Variants in SLC16A2 observed in about 807,000 individuals in gnomAD.
SLC16A2 encodes solute carrier family 16 member 2, also known as monocarboxylate transporter 8.
A neutral mutation model predicts 27.2 loss-of-function variants in SLC16A2; 3 were observed. That is an observed-to-expected ratio of 0.11 (90% CI 0.05 to 0.28). The LOEUF (loss-of-function observed/expected upper bound fraction) is 0.28. Among genes scored for constraint, SLC16A2 ranks in the 10% least tolerant of loss-of-function variants. The probability of loss-of-function intolerance (pLI) is 1.00; values close to 1 mark genes in which losing one functional copy is unlikely to be tolerated. For missense variants in SLC16A2, 295 were observed against 458.5 expected (o/e 0.64, Z 3.26); for synonymous variants, 202 against 187.8 (o/e 1.08, Z -0.62).
chrX:74,492,830 C>T (rs1929856408), intron 1 of SLC16A2, among the ~76,000 whole-genome samples: 1 of 111,195 alleles, frequency 9.0e-6, no homozygotes. Context: ...TTTTAGAGAG[C>T]TCAGGAAATT....
At chrX:74,465,875 C>T (rs1349567702) in intron 1 of SLC16A2, among the ~76,000 whole-genome samples, 1 of 111,110 alleles carries the variant, frequency 9.0e-6, no homozygotes, top group African/African-American at 3.3e-5. Flanking sequence ...TTACAAACAT[C>T]AGAACTTCCC....
intron 1 of SLC16A2, among the ~76,000 whole-genome samples, chrX:74,481,100 A>AT (rs1929611004): frequency 8.9e-6 from 1 of 111,877 alleles, no homozygotes; most frequent in Non-Finnish European, 1.9e-5. Context: ...ATGATTTATA[A>AT]TTTTTTCTAT....
chrX:74,512,614 T>C (rs1031166821), intron 1 of SLC16A2, among the ~76,000 whole-genome samples: 1 of 112,312 alleles, frequency 8.9e-6, no homozygotes, highest in Non-Finnish European at 1.9e-5. Flanking sequence ...GAGTACCCCC[T>C]CTCTCTCTTT....
At chrX:74,500,455 C>T (rs1393320505) in intron 1 of SLC16A2, among the ~76,000 whole-genome samples, 1 of 110,965 alleles carries the variant, frequency 9.0e-6, no homozygotes, top group African/African-American at 3.3e-5. Flanking sequence ...ATTTGGTTAC[C>T]TAAGTTCTTT....
chrX:74,426,042 C>T (rs190118933), intron 1 of SLC16A2, among the ~76,000 whole-genome samples: 223 of 111,919 alleles, frequency 2.0e-3, no homozygotes, highest in African/African-American at 7.0e-3. Context: ...TTTGGGTGAA[C>T]CAAGAGTCCC....
chrX:74,532,464 C>T lies in SLC16A2; in HGVS notation c.*911C>T, dbSNP rs1036682593. The T allele has an allele frequency of 1.8e-5, 2 of 111,999 alleles. No homozygotes were observed. The highest frequency in any genetic ancestry group is 3.3e-5 in the African/African-American group (1 of 30,641). 9.2% of individuals were successfully genotyped at this position (111,999 alleles called of 1,213,427 possible). A position where few individuals can be genotyped will look rare whatever the true frequency, so the allele number is the denominator to read the frequency against. Reference sequence around the variant, plus strand: ...CAGTCCAAGGCATTAACCTCAAGGCCCTCCCAGCACCCCATTCTTGTATAC... The same window carrying T: ...CAGTCCAAGGCATTAACCTCAAGGCTCTCCCAGCACCCCATTCTTGTATAC... On this transcript the variant is annotated 3_prime_UTR_variant, in exon 6 of 6. Coordinates refer to ENST00000587091, the MANE Select transcript of SLC16A2 (RefSeq NM_006517.5).
intron 1 of SLC16A2, among the ~76,000 whole-genome samples, chrX:74,466,784 T>C (rs1252291885): frequency 1.8e-5 from 2 of 112,326 alleles, no homozygotes; most frequent in African/African-American, 6.5e-5. Flanking sequence ...CTTTTGTGTA[T>C]GGTAAAAACA....
At position 74,521,153 on chromosome X, in the gene SLC16A2, G is replaced by A. The variant is rs368837802; in HGVS notation, c.575+19G>A. On this transcript the variant is annotated intron_variant, in intron 2 of 5. Coordinates refer to ENST00000587091, the MANE Select transcript of SLC16A2 (RefSeq NM_006517.5). ...TCACCAGGTAAGGCTAAGAGTTGGT[G>A]GTTATTTCCCCAAGGCTGAGGGTTG... 1 of 1,209,138 alleles carries A rather than the reference G, an allele frequency of 8.3e-7. No homozygotes were observed. The highest frequency in any genetic ancestry group is 1.8e-5 in the African/African-American group (1 of 57,104).
chrX:74,488,497 C>A (rs758141597), intron 1 of SLC16A2, among the ~76,000 whole-genome samples: 3 of 111,539 alleles, frequency 2.7e-5, no homozygotes, highest in East Asian at 2.8e-4. Flanking sequence ...CTTGTTTTAA[C>A]CAATTATTTA....
intron 1 of SLC16A2, among the ~76,000 whole-genome samples, chrX:74,448,855 G>T (rs757130481): frequency 9.0e-6 from 1 of 111,311 alleles, no homozygotes. Flanking sequence ...GCAGCCTTAC[G>T]TGCAGCGATA....
intron 1 of SLC16A2, among the ~76,000 whole-genome samples, chrX:74,424,084 C>T (rs778814420): frequency 1.1e-5 from 1 of 92,186 alleles, no homozygotes; most frequent in African/African-American, 4.3e-5. Context: ...CCTCACAGTG[C>T]AGCTAGAGGG....
At chrX:74,450,996 C>T (rs186602406) in intron 1 of SLC16A2, among the ~76,000 whole-genome samples, 19 of 112,202 alleles carry the variant, frequency 1.7e-4, no homozygotes, top group Non-Finnish European at 2.8e-4. Context: ...GGTAGAGTCT[C>T]TCTTAGTGGG....
At chrX:74,525,972 A>G in intron 4 of SLC16A2, 79 bp downstream of exon 4, 1 of 1,088,096 alleles carries the variant, frequency 9.2e-7, no homozygotes, top group Non-Finnish European at 1.3e-6. Context: ...TTGGGATAGA[A>G]TGGTAGCTTG....
intron 1 of SLC16A2, among the ~76,000 whole-genome samples, chrX:74,489,193 C>T (rs1929778588): frequency 8.9e-6 from 1 of 111,876 alleles, no homozygotes; most frequent in Non-Finnish European, 1.9e-5. Context: ...TCCCTGTTAA[C>T]CATTTTGATG....
chrX:74,501,171 T>A (rs778463619), intron 1 of SLC16A2, among the ~76,000 whole-genome samples: 66 of 111,059 alleles, frequency 5.9e-4, no homozygotes, highest in African/African-American at 2.0e-3. Flanking sequence ...AGGTTTTAGT[T>A]ACCTGCCTGA....
At chrX:74,432,054 A>G (rs1035971521) in intron 1 of SLC16A2, among the ~76,000 whole-genome samples, 14 of 111,572 alleles carry the variant, frequency 1.3e-4, no homozygotes, top group Admixed American at 4.8e-4. Context: ...CAAGGAAGCA[A>G]GGCATGTTGA....
At chrX:74,529,473 C>G in intron 5 of SLC16A2, 32 bp downstream of exon 5, 1 of 1,065,043 alleles carries the variant, frequency 9.4e-7, no homozygotes, top group Non-Finnish European at 1.3e-6. Flanking sequence ...GGGCATGAAT[C>G]AGGGAGTCCT....
intron 1 of SLC16A2, among the ~76,000 whole-genome samples, chrX:74,495,933 C>T (rs1018743227): frequency 9.0e-6 from 1 of 111,185 alleles, no homozygotes; most frequent in Non-Finnish European, 1.9e-5. Flanking sequence ...AGCCAAGTCC[C>T]TGCTCCCGAT....
Position 74,524,800 on chromosome X carries a change from T to C in SLC16A2, c.1017T>C (p.Tyr339=). Residue 339 remains tyrosine, a synonymous_variant, in exon 3 of 6, where the codon TAT becomes TAC. Coordinates refer to ENST00000587091, the MANE Select transcript of SLC16A2 (RefSeq NM_006517.5). ...CTGCCCTTGGCTACTTTGTTCCCTATGTACACCTGGTGAGGAATACCAGAG... is the reference window on the plus strand; with the variant it reads ...CTGCCCTTGGCTACTTTGTTCCCTACGTACACCTGGTGAGGAATACCAGAG... ...AAAALGYFVP[Y]VHLMKYVEEE... is the part of the protein sequence containing the mutation. 8.3e-7 allele frequency: 1 copy of C among 1,208,607 alleles called. No homozygotes were observed. The highest frequency in any genetic ancestry group is 1.1e-6 in the Non-Finnish European group (1 of 894,879).
Sources: gnomAD v4.1 joint callset for allele counts (sites outside exome capture counted in the v4.1 genomes callset) on GRCh38, gnomAD v4.1.1 for gene constraint, MANE v1.5 for transcripts, NCBI Gene and HGNC (gene_info 2026-07-23, HGNC 2026-07-21) for gene names.